Variants in PPEF1 observed in about 807,000 individuals in gnomAD.
PPEF1 encodes the protein serine/threonine-protein phosphatase with EF-hands 1.
A neutral mutation model predicts 53.3 loss-of-function variants in PPEF1; 12 were observed. The observed-to-expected ratio is 0.23, with a 90% confidence interval of 0.14 to 0.36. The LOEUF is 0.36. PPEF1 is among the 10% of genes least tolerant of loss of function. The pLI is 1.00. For missense variants in PPEF1, 334 were observed against 490.4 expected (o/e 0.68, Z 3.01); for synonymous variants, 165 against 176.7 (o/e 0.93, Z 0.52).
At chrX:18,782,240 C>T in intron 7 of PPEF1, 126 bp from the exon 8 acceptor site, 1 of 558,463 alleles carries the variant, frequency 1.8e-6, no homozygotes, top group African/African-American at 2.3e-5. Flanking sequence ...GTAACACTTC[C>T]AACTGAACTC....
At chrX:18,771,314 C>T (rs1468705505) in intron 6 of PPEF1, among the ~76,000 whole-genome samples, 1 of 111,292 alleles carries the variant, frequency 9.0e-6, no homozygotes. Flanking sequence ...TGCCATCTTT[C>T]GTGAACATCT....
chrX:18,713,513 C>A (rs769686656), intron 1 of PPEF1, among the ~76,000 whole-genome samples: 1 of 93,065 alleles, frequency 1.1e-5, no homozygotes, highest in South Asian at 5.8e-4. Context: ...ATTTAAAATT[C>A]TTTTTCTTCT....
At chrX:18,800,448 A>G (rs1277606251) in intron 10 of PPEF1, among the ~76,000 whole-genome samples, 1 of 111,439 alleles carries the variant, frequency 9.0e-6, no homozygotes, top group Non-Finnish European at 1.9e-5. Context: ...GACTCAACCA[A>G]TAACAGATTG....
intron 3 of PPEF1, among the ~76,000 whole-genome samples, chrX:18,743,518 C>T (rs1200669166): frequency 3.1e-5 from 3 of 95,682 alleles, no homozygotes; most frequent in South Asian, 5.3e-4. Flanking sequence ...AGCGTAATCT[C>T]GGCTCACTGC....
chrX:18,780,647 A>G (rs1231700842), intron 7 of PPEF1, among the ~76,000 whole-genome samples: 1 of 111,709 alleles, frequency 9.0e-6, no homozygotes, highest in Non-Finnish European at 1.9e-5. Flanking sequence ...GGGATAGATA[A>G]TGGGTTCTCA....
At chrX:18,704,190 T>G (rs745491234), upstream of PPEF1, among the ~76,000 whole-genome samples, 1 of 111,092 alleles carries the variant, frequency 9.0e-6, no homozygotes, top group South Asian at 3.8e-4. Context: ...CCTCCCAAAG[T>G]GCTAGGATTA....
intron 1 of PPEF1, among the ~76,000 whole-genome samples, chrX:18,725,332 G>A (rs2044681624): frequency 8.9e-6 from 1 of 111,885 alleles, no homozygotes; most frequent in Non-Finnish European, 1.9e-5. Flanking sequence ...AAACTTGCAA[G>A]GAGGGTCCCA....
intron 10 of PPEF1, among the ~76,000 whole-genome samples, chrX:18,794,066 G>A (rs766492546): frequency 1.8e-5 from 2 of 112,455 alleles, no homozygotes; most frequent in East Asian, 2.8e-4. Context: ...ATTGCTAGCC[G>A]ATTGCTCTAT....
At chrX:18,700,604 C>T (rs1226639255) in intron 6 of PPEF1, among the ~76,000 whole-genome samples, 2 of 111,230 alleles carry the variant, frequency 1.8e-5, no homozygotes, top group Admixed American at 1.9e-4. Flanking sequence ...AATCAGTTGC[C>T]ATCAGTTGAA....
chrX:18,799,928 C>T (rs148024319), intron 10 of PPEF1, among the ~76,000 whole-genome samples: 226 of 111,625 alleles, frequency 2.0e-3, no homozygotes, highest in Non-Finnish European at 3.3e-3. Context: ...ATTAATCTTA[C>T]GTTACCACTA....
rs185357752 is a variant in PPEF1 at position 18,734,649 on chromosome X, C to T, written c.235+841C>T. Among the ~76,000 whole-genome samples the T allele has an allele frequency of 2.0e-4, 22 of 110,840 alleles. No homozygotes were observed. In the East Asian group the frequency reaches 3.7e-3, roughly 19 times the overall value. On this transcript the variant is annotated intron_variant, in intron 3 of 15. Coordinates refer to ENST00000470157, the MANE Select transcript of PPEF1 (RefSeq NM_001377996.1). ...AATCCTTTGGGTATATACCCAGTAA[C>T]GGGATGGCTGGGTCAAATGGTATTT... is the stretch of plus-strand genomic sequence containing the variant.
chrX:18,719,565 G>A (rs1038773299), intron 1 of PPEF1, among the ~76,000 whole-genome samples: 10 of 109,805 alleles, frequency 9.1e-5, no homozygotes, highest in African/African-American at 2.7e-4. Context: ...CAGGCTGGTC[G>A]TGAACTCCTA....
rs189423439 is a variant in PPEF1 at position 18,762,007 on chromosome X, A to C, written c.558+431A>C. ...TTGCTTATGATAAGGAATAAGTTCCAGCATGCTCTCTTTTCTCCCCTGATT... is the reference window on the plus strand; with the variant it reads ...TTGCTTATGATAAGGAATAAGTTCCCGCATGCTCTCTTTTCTCCCCTGATT... On this transcript the variant is annotated intron_variant, in intron 6 of 15. Transcript: ENST00000470157. Among the ~76,000 whole-genome samples the C allele has an allele frequency of 8.4e-4, 94 of 111,740 alleles. 1 individual carries two copies. The Middle Eastern group carries it at 0.014, about 17-fold the overall frequency.
At chrX:18,765,845 C>G (rs1438498573) in intron 6 of PPEF1, among the ~76,000 whole-genome samples, 1 of 110,462 alleles carries the variant, frequency 9.1e-6, no homozygotes, top group African/African-American at 3.3e-5. Flanking sequence ...GGACGGATCA[C>G]TTGAGGTCAG....
At chrX:18,782,885 G>T (rs1014772853) in intron 8 of PPEF1, among the ~76,000 whole-genome samples, 2 of 108,978 alleles carry the variant, frequency 1.8e-5, no homozygotes, top group African/African-American at 6.7e-5. Context: ...GGCTGAGGCC[G>T]GTGGATCACT....
chrX:18,694,936 G>A (rs1439680592), intron 4 of PPEF1, among the ~76,000 whole-genome samples: 2 of 112,101 alleles, frequency 1.8e-5, no homozygotes, highest in African/African-American at 6.5e-5. Context: ...GAGTCCTCAT[G>A]TTACTTGTTT....
At chrX:18,726,352 A>AAATC (rs1182792314) in intron 1 of PPEF1, among the ~76,000 whole-genome samples, 5 of 38,773 alleles carry the variant, frequency 1.3e-4, no homozygotes, top group African/African-American at 4.6e-4. Flanking sequence ...ACTCTGACTC[A>AAATC]AATAAATAAA....
chrX:18,794,547 C>G (rs1376601701), intron 10 of PPEF1, among the ~76,000 whole-genome samples: 1 of 112,838 alleles, frequency 8.9e-6, no homozygotes, highest in Non-Finnish European at 1.9e-5. Flanking sequence ...ATGATAGCTC[C>G]TGGTCTTCTT....
intron 3 of PPEF1, among the ~76,000 whole-genome samples, chrX:18,689,394 A>C (rs1423451260): frequency 9.4e-6 from 1 of 106,229 alleles, no homozygotes; most frequent in Non-Finnish European, 2.0e-5. Flanking sequence ...AGTGAGGAGG[A>C]TGACTTGAGC....
Sources: gnomAD v4.1 joint callset for allele counts (sites outside exome capture counted in the v4.1 genomes callset) on GRCh38, gnomAD v4.1.1 for gene constraint, MANE v1.5 for transcripts, NCBI Gene and HGNC (gene_info 2026-07-23, HGNC 2026-07-21) for gene names.